The following CNTN4 variants were observed in gnomAD, a reference collection of about 807,000 sequenced individuals.
The protein encoded by CNTN4 is contactin 4, also known as contactin-4.
Under a neutral mutation model 122.5 loss-of-function variants are expected in CNTN4, and 77 were observed. The observed-to-expected ratio is 0.63, with a 90% confidence interval of 0.52 to 0.76. The LOEUF is 0.76. CNTN4 is among the 30% of genes least tolerant of loss of function. The pLI, the probability that CNTN4 is intolerant of heterozygous loss-of-function variation, is 0.00. For missense variants in CNTN4, 1,256 were observed against 1,259.1 expected, an observed-to-expected ratio of 1.00 and a Z score of 0.04; for synonymous variants, 512 against 447.0, an observed-to-expected ratio of 1.15 and a Z score of -1.83.
At chr3:2,957,266 T>C (rs1425597015) in intron 13 of CNTN4, among the ~76,000 whole-genome samples, 1 of 152,158 alleles carries the variant, frequency 6.6e-6, no homozygotes, top group African/African-American at 2.4e-5. Flanking sequence ...AGTGTACAAG[T>C]GTTGCCTTTT....
At chr3:3,026,537 C>T (rs1698735646) in intron 15 of CNTN4, among the ~76,000 whole-genome samples, 1 of 152,102 alleles carries the variant, frequency 6.6e-6, no homozygotes, top group Admixed American at 6.6e-5. Flanking sequence ...GGCTCACAGG[C>T]ATTGGATGAC....
intron 17 of CNTN4, among the ~76,000 whole-genome samples, chr3:3,035,323 A>G (rs1177876908): frequency 2.0e-5 from 3 of 151,906 alleles, no homozygotes; most frequent in African/African-American, 7.3e-5. Context: ...AAAAAAAAAA[A>G]AGTCTGTTGT....
At chr3:2,102,001 T>C (rs996946222) in intron 2 of CNTN4, among the ~76,000 whole-genome samples, 1 of 152,218 alleles carries the variant, frequency 6.6e-6, no homozygotes, top group Non-Finnish European at 1.5e-5. Context: ...AACAAATAGA[T>C]TAAGCACACT....
chr3:2,299,780 T>C (rs1414771001), intron 2 of CNTN4, among the ~76,000 whole-genome samples: 3 of 152,126 alleles, frequency 2.0e-5, no homozygotes, highest in Non-Finnish European at 4.4e-5. Context: ...TGTTATATTC[T>C]CCTCAAAATA....
chr3:2,463,788 A>C (rs965939655), intron 3 of CNTN4, among the ~76,000 whole-genome samples: 3 of 152,082 alleles, frequency 2.0e-5, no homozygotes, highest in African/African-American at 7.2e-5. Flanking sequence ...AAAATAAGGA[A>C]ACGTATTATT....
chr3:2,658,186 C>T (rs368862928), intron 4 of CNTN4, among the ~76,000 whole-genome samples: 6 of 151,638 alleles, frequency 4.0e-5, no homozygotes, highest in Admixed American at 1.3e-4. Flanking sequence ...CCTTTTGCAG[C>T]GGGGAGGAGC....
At chr3:2,730,981 C>T (rs77017510) in intron 4 of CNTN4, among the ~76,000 whole-genome samples, 6,995 of 149,990 alleles carry the variant, frequency 0.047, 176 homozygotes, top group African/African-American at 0.061. Context: ...CACCCGGCTG[C>T]GGAGAGGTGC....
At chr3:2,514,849 C>G (rs920454529) in intron 3 of CNTN4, among the ~76,000 whole-genome samples, 2 of 152,072 alleles carry the variant, frequency 1.3e-5, no homozygotes, top group Non-Finnish European at 2.9e-5. Flanking sequence ...CAATATTTCA[C>G]TAGGATGCTT....
intron 7 of CNTN4, among the ~76,000 whole-genome samples, chr3:2,824,785 C>T (rs1027618592): frequency 2.6e-5 from 4 of 151,874 alleles, no homozygotes; most frequent in African/African-American, 9.7e-5. Flanking sequence ...ACCTCAGCCT[C>T]CCAAGTAGCT....
intron 3 of CNTN4, among the ~76,000 whole-genome samples, chr3:2,458,545 G>A (rs1435431513): frequency 1.3e-5 from 2 of 152,082 alleles, no homozygotes; most frequent in African/African-American, 4.8e-5. Context: ...CTTATGAGAT[G>A]TTGATAGAGA....
chr3:2,631,869 AAAAAAAAAAC>A (rs1253090587), intron 4 of CNTN4, among the ~76,000 whole-genome samples: 4 of 145,298 alleles, frequency 2.8e-5, no homozygotes, highest in Non-Finnish European at 4.4e-5. Context: ...TCTCTACAAA[AAAAAAAAAAC>A]AAAAAAAAAC....
chr3:2,548,728 T>C (rs1203167608), intron 3 of CNTN4, among the ~76,000 whole-genome samples: 2 of 152,314 alleles, frequency 1.3e-5, no homozygotes, highest in African/African-American at 4.8e-5. Flanking sequence ...CAATGGTAGC[T>C]TGATGGGGAT....
intron 2 of CNTN4, among the ~76,000 whole-genome samples, chr3:2,148,419 C>A (rs2035345198): frequency 6.6e-6 from 1 of 151,606 alleles, no homozygotes; most frequent in Non-Finnish European, 1.5e-5. Flanking sequence ...CCTGTAGTCC[C>A]AGCTACTCAG....
At chr3:2,526,758 A>C (rs1317842625) in intron 3 of CNTN4, among the ~76,000 whole-genome samples, 2 of 152,084 alleles carry the variant, frequency 1.3e-5, no homozygotes, top group Non-Finnish European at 2.9e-5. Context: ...TAATATTTGC[A>C]TAAATAGGCA....
At position 2,571,434 on chromosome 3, in the gene CNTN4, C is replaced by CA; in HGVS notation, c.-70_-69insA. The CA allele has an allele frequency of 1.8e-6, 2 of 1,105,362 alleles. No individual in the cohort carries two copies. The highest frequency in any genetic ancestry group is 2.8e-6 in the Non-Finnish European group (2 of 716,316). The allele number at this position is 1,105,362 out of a possible 1,614,324, so 68.5% of individuals were successfully genotyped here. On this transcript the variant is annotated 5_prime_UTR_variant, in exon 4 of 25. Transcript: ENST00000418658. ...CCCACAGATTAAAGGTTATACAAAA[C>CA]TTAAAAGAAGCAGCAATTCTATTCG...
intron 6 of CNTN4, among the ~76,000 whole-genome samples, chr3:2,810,900 T>C (rs1224871009): frequency 6.6e-6 from 1 of 152,138 alleles, no homozygotes; most frequent in African/African-American, 2.4e-5. Context: ...GAGAGAACAC[T>C]GTGAGGGCTG....
chr3:2,714,404 A>G (rs1206109763), intron 4 of CNTN4, among the ~76,000 whole-genome samples: 1 of 152,050 alleles, frequency 6.6e-6, no homozygotes, highest in Non-Finnish European at 1.5e-5. Context: ...GTGACTTTAT[A>G]TAAGCAAGAG....
At chr3:2,685,249 A>G (rs965131301) in intron 4 of CNTN4, among the ~76,000 whole-genome samples, 1 of 152,182 alleles carries the variant, frequency 6.6e-6, no homozygotes, top group African/African-American at 2.4e-5. Flanking sequence ...AGATTTGAAG[A>G]GAAGTAACTT....
At chr3:2,262,874 A>G (rs774862694) in intron 2 of CNTN4, among the ~76,000 whole-genome samples, 8 of 152,098 alleles carry the variant, frequency 5.3e-5, no homozygotes, top group Non-Finnish European at 1.0e-4. Flanking sequence ...GATGTCAGGG[A>G]TCCAGGATTT....
Sources: gnomAD v4.1 joint callset for allele counts (sites outside exome capture counted in the v4.1 genomes callset) on GRCh38, gnomAD v4.1.1 for gene constraint, MANE v1.5 for transcripts, NCBI Gene and HGNC (gene_info 2026-07-23, HGNC 2026-07-21) for gene names.